RBFOX1: variants seen among roughly 807,000 people sequenced by gnomAD.
The protein encoded by RBFOX1 is RNA binding protein fox-1 homolog 1.
Under a neutral mutation model 57.7 loss-of-function variants are expected in RBFOX1, and 8 were observed. The observed-to-expected ratio is 0.14, with a 90% CI of 0.08 to 0.25. The LOEUF is 0.25. Ranked by LOEUF, RBFOX1 falls within the 10% of genes least tolerant of loss-of-function variation. The pLI is 1.00. For missense variants in RBFOX1, 611 were observed against 548.5 expected (o/e 1.11, Z -1.14); for synonymous variants, 326 against 222.4 (o/e 1.47, Z -4.15).
At chr16:5,390,931 G>T (rs143659665) in intron 1 of RBFOX1, among the ~76,000 whole-genome samples, 3 of 152,312 alleles carry the variant, frequency 2.0e-5, no homozygotes, top group African/African-American at 4.8e-5. Flanking sequence ...CTAGATGCCA[G>T]TGGTGCGTTT....
intron 3 of RBFOX1, among the ~76,000 whole-genome samples, chr16:7,037,165 A>G (rs1033189467): frequency 3.5e-5 from 5 of 141,726 alleles, no homozygotes; most frequent in South Asian, 2.2e-4. Flanking sequence ...CTGACCTCCT[A>G]TCTTATCCTG....
At chr16:6,763,860 T>C (rs1173337339) in intron 3 of RBFOX1, among the ~76,000 whole-genome samples, 2 of 152,216 alleles carry the variant, frequency 1.3e-5, no homozygotes, top group East Asian at 1.9e-4. Flanking sequence ...AATTCCTCTA[T>C]TTCATTTGCA....
At chr16:7,446,792 C>T (rs113177944) in intron 4 of RBFOX1, among the ~76,000 whole-genome samples, 1,370 of 123,382 alleles carry the variant, frequency 0.011, 24 homozygotes, top group African/African-American at 0.038. Context: ...CAAGGTAGGT[C>T]TAGGTATTTT....
intron 3 of RBFOX1, among the ~76,000 whole-genome samples, chr16:5,728,912 CA>C (rs1445785943): frequency 6.6e-6 from 1 of 152,158 alleles, no homozygotes; most frequent in Non-Finnish European, 1.5e-5. Context: ...TTCCCAGAGA[CA>C]ATATCACCTC....
chr16:6,986,206 T>G (rs1297653526), intron 3 of RBFOX1, among the ~76,000 whole-genome samples: 2 of 151,582 alleles, frequency 1.3e-5, no homozygotes, highest in African/African-American at 4.8e-5. Context: ...ATTTATTTAT[T>G]TATTTATTTT....
chr16:7,165,961 C>CACACAG (rs1567536137), intron 4 of RBFOX1, among the ~76,000 whole-genome samples: 1 of 115,300 alleles, frequency 8.7e-6, no homozygotes, highest in African/African-American at 3.4e-5. Context: ...CACACACACA[C>CACACAG]ACACATACAT....
At chr16:7,384,688 C>G (rs1597092525) in intron 4 of RBFOX1, among the ~76,000 whole-genome samples, 1 of 152,146 alleles carries the variant, frequency 6.6e-6, no homozygotes, top group Admixed American at 6.6e-5. Flanking sequence ...CCTGTAATGA[C>G]AACCTAGACT....
intron 2 of RBFOX1, among the ~76,000 whole-genome samples, chr16:5,595,216 T>G (rs927390426): frequency 6.6e-5 from 10 of 152,152 alleles, no homozygotes; most frequent in African/African-American, 2.4e-4. Flanking sequence ...AAGGCAGTTG[T>G]TATGCAAAGA....
At chr16:7,151,073 C>T (rs572773076) in intron 4 of RBFOX1, among the ~76,000 whole-genome samples, 2 of 152,276 alleles carry the variant, frequency 1.3e-5, no homozygotes, top group African/African-American at 2.4e-5. Context: ...ATGACAGAGG[C>T]TGTTAAGTGT....
chr16:6,903,026 G>C (rs2068860094), intron 3 of RBFOX1, among the ~76,000 whole-genome samples: 1 of 152,110 alleles, frequency 6.6e-6, no homozygotes, highest in Non-Finnish European at 1.5e-5. Flanking sequence ...CAAATGAGAT[G>C]ACTGCTCCTG....
At chr16:6,795,270 C>T (rs146976731) in intron 3 of RBFOX1, among the ~76,000 whole-genome samples, 1 of 152,098 alleles carries the variant, frequency 6.6e-6, no homozygotes, top group African/African-American at 2.4e-5. Flanking sequence ...GTCAAGTCAC[C>T]TTGATAGAAG....
intron 4 of RBFOX1, among the ~76,000 whole-genome samples, chr16:7,420,884 T>A (rs775045794): frequency 1.2e-5 from 1 of 83,788 alleles, no homozygotes; most frequent in South Asian, 3.8e-4. Context: ...TCTTTTAAAA[T>A]ATATATATAT....
At chr16:7,632,220 C>A (rs1343592980) in intron 11 of RBFOX1, among the ~76,000 whole-genome samples, 1 of 152,182 alleles carries the variant, frequency 6.6e-6, no homozygotes, top group African/African-American at 2.4e-5. Flanking sequence ...AGACTATAAT[C>A]TTTAATGGCA....
chr16:5,437,914 G>A (rs1331903099), intron 1 of RBFOX1, among the ~76,000 whole-genome samples: 1 of 152,166 alleles, frequency 6.6e-6, no homozygotes, highest in African/African-American at 2.4e-5. Flanking sequence ...GTTGAAGATT[G>A]AGTTTGTGTG....
chr16:7,387,581 G>A (rs17671869), intron 4 of RBFOX1, among the ~76,000 whole-genome samples: 58,047 of 152,000 alleles, frequency 0.38, 12,207 homozygotes, highest in East Asian at 0.5. Context: ...AAATCCATAC[G>A]CCTTCAGAGA....
At chr16:6,957,875 G>C (rs1315639817) in intron 3 of RBFOX1, among the ~76,000 whole-genome samples, 1 of 152,160 alleles carries the variant, frequency 6.6e-6, no homozygotes, top group African/African-American at 2.4e-5. Flanking sequence ...TTGCAGATTA[G>C]TCAGAGCCCT....
At chr16:7,701,532 C>G (rs1223428586) in intron 14 of RBFOX1, among the ~76,000 whole-genome samples, 2 of 152,158 alleles carry the variant, frequency 1.3e-5, no homozygotes, top group Non-Finnish European at 2.9e-5. Flanking sequence ...TATTCTCCAC[C>G]TCCCTGGTCT....
At chr16:7,277,650 GC>G (rs932803539) in intron 4 of RBFOX1, among the ~76,000 whole-genome samples, 1 of 152,010 alleles carries the variant, frequency 6.6e-6, no homozygotes, top group Non-Finnish European at 1.5e-5. Flanking sequence ...TTCCTTAAAG[GC>G]CCAAGAAGCT....
rs551517373 is a variant in RBFOX1 at position 6,912,988 on chromosome 16, C to G, written c.-15-139069C>G. 3.8e-4 allele frequency among the ~76,000 whole-genome samples: 58 copies of G among 152,168 alleles called. No individual in the cohort carries two copies. In the Middle Eastern group the frequency reaches 0.01, roughly 27 times the overall value. ...CTCACCTCATCTGGCTGTTACCCAACACTGTGCTTTATATTCTACTTCCTA... is the reference window on the plus strand; with the variant it reads ...CTCACCTCATCTGGCTGTTACCCAAGACTGTGCTTTATATTCTACTTCCTA... On this transcript the variant is annotated intron_variant, in intron 3 of 15. Coordinates refer to ENST00000550418, the MANE Select transcript of RBFOX1 (RefSeq NM_018723.4).
Sources: allele counts gnomAD v4.1 joint callset (sites outside exome capture counted in the v4.1 genomes callset), GRCh38; gene constraint gnomAD v4.1.1; transcripts MANE v1.5; gene names NCBI Gene and HGNC (gene_info 2026-07-23, HGNC 2026-07-21).